The following PIM1 variants were observed in gnomAD, a reference collection of about 807,000 sequenced individuals.
PIM1 encodes the protein serine/threonine-protein kinase pim-1.
PIM1 carries 9 observed loss-of-function variants against 34.5 expected under a neutral mutation model. The ratio of observed to expected loss-of-function variants is 0.26; its 90% CI spans 0.16 to 0.46. The LOEUF is 0.46. Ranked by LOEUF, PIM1 falls within the 20% of genes least tolerant of loss-of-function variation. The pLI is 1.00. For synonymous variants in PIM1, 199 were observed against 175.2 expected (o/e 1.14, Z -1.07); for missense variants, 274 against 410.9 (o/e 0.67, Z 2.88).
At position 37,171,119 on chromosome 6, in the gene PIM1, C is replaced by T. The variant is rs1762277852; in HGVS notation, c.241-6C>T. On this transcript the variant is annotated splice_region_variant and splice_polypyrimidine_tract_variant and intron_variant, in intron 3 of 5. Coordinates refer to ENST00000373509, the MANE Select transcript of PIM1 (RefSeq NM_002648.4). ...CCGCCCTAACGCGGCCCCCTCGCCC[C>T]TGCAGCCTAATGGCACTCGAGTGCC... is the stretch of plus-strand genomic sequence containing the variant. The T allele has an allele frequency of 5.0e-6, 8 of 1,613,904 alleles. No individual in the cohort carries two copies. The highest frequency in any genetic ancestry group is 6.8e-6 in the Non-Finnish European group (8 of 1,179,968).
chr6:37,170,527 C>G lies in PIM1; in HGVS notation c.-49C>G, dbSNP rs763099340. ...GGCACAGCCCCGGCTCCGGCTCCTGCGGCAGCTCCTCTGGGCACCGTCCCT... is the reference window on the plus strand; with the variant it reads ...GGCACAGCCCCGGCTCCGGCTCCTGGGGCAGCTCCTCTGGGCACCGTCCCT... On this transcript the variant is annotated 5_prime_UTR_variant, in exon 1 of 6. Coordinates refer to ENST00000373509, the MANE Select transcript of PIM1 (RefSeq NM_002648.4). 5.6e-6 allele frequency: 9 copies of G among 1,608,774 alleles called. No homozygotes were observed. The East Asian group carries it at 1.3e-4, about 24-fold the overall frequency.
At chr6:37,173,870 A>T (rs1762352662) in intron 5 of PIM1, 64 bp from the exon 6 acceptor site, 1 of 1,471,652 alleles carries the variant, frequency 6.8e-7, no homozygotes, top group African/African-American at 1.4e-5. Context: ...GCAAATGGGG[A>T]AGACCTTTGC....
chr6:37,172,945 T>C, intron 4 of PIM1, 51 bp from the exon 5 acceptor site: 1 of 1,515,378 alleles, frequency 6.6e-7, no homozygotes. Flanking sequence ...AGCTTCTTTG[T>C]GCTTGTTTTT....
In PIM1 at chr6:37,173,114, C is replaced by T. The variant is rs781652823; in HGVS notation, c.726C>T (p.Phe242=). Reference sequence around the variant, plus strand: ...ATATGGTGTGTGGAGATATTCCTTTCGAGCATGACGAAGAGATCATCAGGG... The same window carrying T: ...ATATGGTGTGTGGAGATATTCCTTTTGAGCATGACGAAGAGATCATCAGGG... ...LYDMVCGDIP[F]EHDEEIIRGQ... is the part of the protein sequence containing the mutation. Residue 242 remains phenylalanine (F), a synonymous_variant, in exon 5 of 6, where the codon TTC becomes TTT. Coordinates refer to ENST00000373509, the MANE Select transcript of PIM1 (RefSeq NM_002648.4). 8.1e-6 allele frequency: 13 copies of T among 1,613,994 alleles called. No individual in the cohort carries two copies. Among genetic ancestry groups the T allele is most frequent in the Non-Finnish European group, 8.5e-6 (10 of 1,180,030 alleles).
At chr6:37,173,269 C>T in intron 5 of PIM1, 97 bp downstream of exon 5, 1 of 1,077,788 alleles carries the variant, frequency 9.3e-7, no homozygotes, top group Non-Finnish European at 1.3e-6. Context: ...GCTTCACTCT[C>T]CAGTAGATTC....
chr6:37,172,392 A>G (rs1383045094), intron 4 of PIM1: 1 of 342,750 alleles, frequency 2.9e-6, no homozygotes, highest in Non-Finnish European at 5.8e-6. Flanking sequence ...TTTTTCTTTT[A>G]CTACCCAAAG....
At chr6:37,172,355 GGT>G in intron 4 of PIM1, 1 of 337,574 alleles carries the variant, frequency 3.0e-6, no homozygotes, top group East Asian at 7.6e-5. Context: ...GCTGCCCCCT[GGT>G]GAGCACCAGC....
chr6:37,170,247 G>GGCA lies in PIM1; in HGVS notation c.-301_-299dup, dbSNP rs59116171. On this transcript the variant is annotated 5_prime_UTR_variant, in exon 1 of 6. Coordinates refer to ENST00000373509, the MANE Select transcript of PIM1 (RefSeq NM_002648.4). ...CGGTGGCAGCGGCGGCGGCGGGACCGGCAGCAGCAGCAGCAGCAGCAGCAG... is the reference window on the plus strand; with the variant it reads ...CGGTGGCAGCGGCGGCGGCGGGACCGGCAGCAGCAGCAGCAGCAGCAGCAGCAG... 1.0e-4 allele frequency: 122 copies of GGCA among 1,203,520 alleles called. No homozygotes were observed. Among genetic ancestry groups the GGCA allele is most frequent in the African/African-American group, 5.2e-4 (32 of 62,060 alleles). The allele number at this position is 1,203,520 out of a possible 1,614,324, so 74.6% of individuals were successfully genotyped here. A position where few individuals can be genotyped will look rare whatever the true frequency, so the allele number is the denominator to read the frequency against.
chr6:37,174,134 A>AG lies in PIM1; in HGVS notation c.*46dup. ...CCTCCCCTCTCTTGTCAGATGCCCG[A>AG]GGGAGGGGAAGCTTCTGTCTCCAGC... On this transcript the variant is annotated 3_prime_UTR_variant, in exon 6 of 6. Transcript: ENST00000373509. 3 of 1,575,838 alleles carry AG rather than the reference A, an allele frequency of 1.9e-6. No individual in the cohort carries two copies. Among genetic ancestry groups the AG allele is most frequent in the Non-Finnish European group, 2.6e-6 (3 of 1,159,382 alleles).
In PIM1 at chr6:37,173,042, C is replaced by T. The variant is rs898224506; in HGVS notation, c.654C>T (p.Tyr218=). Residue 218 remains tyrosine, a synonymous_variant, in exon 5 of 6, where the codon TAC becomes TAT. Coordinates refer to ENST00000373509, the MANE Select transcript of PIM1 (RefSeq NM_002648.4). ...SPPEWIRYHR[Y]HGRSAAVWSL... is the part of the protein sequence containing the mutation. Reference sequence around the variant, plus strand: ...CAGAGTGGATCCGCTACCATCGCTACCATGGCAGGTCGGCGGCAGTCTGGT... The same window carrying T: ...CAGAGTGGATCCGCTACCATCGCTATCATGGCAGGTCGGCGGCAGTCTGGT... 1 of 1,614,076 alleles carries T rather than the reference C, an allele frequency of 6.2e-7. No individual in the cohort carries two copies. Among genetic ancestry groups the T allele is most frequent in the African/African-American group, 1.3e-5 (1 of 74,916 alleles).
At chr6:37,173,260 C>T in intron 5 of PIM1, 88 bp downstream of exon 5, 2 of 1,172,456 alleles carry the variant, frequency 1.7e-6, no homozygotes, top group South Asian at 2.8e-5. Context: ...TTCTGGAGAG[C>T]TTCACTCTCC....
chr6:37,171,334 G>T lies in PIM1; in HGVS notation c.450G>T (p.Gln150His). The T allele has an allele frequency of 6.2e-7, 1 of 1,614,004 alleles. No homozygotes were observed. The highest frequency in any genetic ancestry group is 8.5e-7 in the Non-Finnish European group (1 of 1,180,036). Reference sequence around the variant, plus strand: ...AGCTGGCCCGCAGCTTCTTCTGGCAGGTGCTGGAGGCCGTGCGGCACTGCC... The same window carrying T: ...AGCTGGCCCGCAGCTTCTTCTGGCATGTGCTGGAGGCCGTGCGGCACTGCC... ...QEELARSFFW[Q>H]VLEAVRHCHN... The change falls in exon 4 of 6, where the codon CAG becomes CAT. Residue 150 changes from glutamine to histidine, a missense_variant. By Grantham distance (24) the Gln-to-His change is conservative. Transcript: ENST00000373509.
intron 2 of PIM1, 36 bp from the exon 3 acceptor site, chr6:37,170,945 G>A (rs1762271567): frequency 1.2e-6 from 2 of 1,613,772 alleles, no homozygotes; most frequent in Admixed American, 1.7e-5. Flanking sequence ...GCTTTAGCCC[G>A]GACGAGGGAA....
rs1218840909 is a variant in PIM1 at position 37,170,657 on chromosome 6, G to A, written c.82G>A (p.Gly28Ser). 6.2e-7 allele frequency: 1 copy of A among 1,611,470 alleles called. No individual in the cohort carries two copies. Among genetic ancestry groups the A allele is most frequent in the South Asian group, 1.1e-5 (1 of 90,990 alleles). Residue 28 changes from glycine (G) to serine (S), a missense_variant and splice_region_variant, in exon 1 of 6, where the codon GGC (glycine) becomes AGC (serine). By Grantham distance (56) the Gly-to-Ser change is moderately conservative. Coordinates refer to ENST00000373509, the MANE Select transcript of PIM1 (RefSeq NM_002648.4). Reference protein sequence around the residue: ...NDLHATKLAPGKEKEPLESQY... With the variant: ...NDLHATKLAPSKEKEPLESQY... ...CCTGCACGCCACCAAGCTGGCGCCC[G>A]GTGAGAGCACCCCCCGCCTCCGGCC...
rs914780127 is a variant in PIM1 at position 37,174,610 on chromosome 6, C to T, written c.*519C>T. On this transcript the variant is annotated 3_prime_UTR_variant, in exon 6 of 6. Coordinates refer to ENST00000373509, the MANE Select transcript of PIM1 (RefSeq NM_002648.4). ...TTTTACCTGCTGCTTCTCCAAAAAT[C>T]TGCCTGGGTTTTGTTCCCTATTTTT... The T allele has an allele frequency of 8.5e-6, 2 of 234,090 alleles. No individual in the cohort carries two copies. Among genetic ancestry groups the T allele is most frequent in the African/African-American group, 4.4e-5 (2 of 45,318 alleles). 14.5% of individuals were successfully genotyped at this position (234,090 alleles called of 1,614,324 possible).
At position 37,174,131 on chromosome 6, in the gene PIM1, C is replaced by T. The variant is rs780620240; in HGVS notation, c.*40C>T. 3.2e-6 allele frequency: 5 copies of T among 1,582,580 alleles called. No individual in the cohort carries two copies. The South Asian group carries it at 5.8e-5, about 18-fold the overall frequency. On this transcript the variant is annotated 3_prime_UTR_variant, in exon 6 of 6. Coordinates refer to ENST00000373509, the MANE Select transcript of PIM1 (RefSeq NM_002648.4). ...GGTCCTCCCCTCTCTTGTCAGATGC[C>T]CGAGGGAGGGGAAGCTTCTGTCTCC...
In PIM1 at chr6:37,170,387, CG is replaced by C; in HGVS notation, c.-187del. On this transcript the variant is annotated 5_prime_UTR_variant, in exon 1 of 6. Coordinates refer to ENST00000373509, the MANE Select transcript of PIM1 (RefSeq NM_002648.4). The stretch of plus-strand genomic sequence containing the variant: ...TGGCGCGCCCTCCCGCCGCCAGTCC[CG>C]GCAGCGCCCTCAGTTGTCCTCCGAC... The C allele has an allele frequency of 6.6e-7, 1 of 1,526,554 alleles. No homozygotes were observed. The allele number at this position is 1,526,554 out of a possible 1,614,324, so 94.6% of individuals were successfully genotyped here.
intron 4 of PIM1, chr6:37,172,691 G>A: frequency 1.8e-6 from 1 of 559,712 alleles, no homozygotes; most frequent in South Asian, 1.5e-5. Flanking sequence ...TTCGCAGGCG[G>A]TCCTGCCTCA....
rs1001162519 is a variant in PIM1, at chr6:37,170,223, G to T, written c.-353G>T. On this transcript the variant is annotated 5_prime_UTR_variant, in exon 1 of 6. Coordinates refer to ENST00000373509, the MANE Select transcript of PIM1 (RefSeq NM_002648.4). ...TGGCTGAGGAGGCCCGAGAGGAGTCGGTGGCAGCGGCGGCGGCGGGACCGG... is the reference window on the plus strand; with the variant it reads ...TGGCTGAGGAGGCCCGAGAGGAGTCTGTGGCAGCGGCGGCGGCGGGACCGG... 3.1e-6 allele frequency: 4 copies of T among 1,272,750 alleles called. No individual in the cohort carries two copies. In the South Asian group the frequency reaches 6.6e-5, roughly 21 times the overall value. 78.8% of individuals were successfully genotyped at this position (1,272,750 alleles called of 1,614,324 possible). A position where few individuals can be genotyped will look rare whatever the true frequency, so the allele number is the denominator to read the frequency against.
Sources: allele counts gnomAD v4.1 joint callset, GRCh38; gene constraint gnomAD v4.1.1; transcripts MANE v1.5; gene names NCBI Gene and HGNC (gene_info 2026-07-23, HGNC 2026-07-21).